The following ATP8A2 variants were observed in gnomAD, a reference collection of about 807,000 sequenced individuals.
The protein encoded by ATP8A2 is phospholipid-transporting ATPase IB.
A neutral mutation model predicts 165.6 loss-of-function variants in ATP8A2; 100 were observed. The ratio of observed to expected loss-of-function variants is 0.60; its 90% CI spans 0.51 to 0.71. ATP8A2 has a LOEUF of 0.71. Ranked by LOEUF, ATP8A2 falls within the 30% of genes least tolerant of loss-of-function variation. ATP8A2 has a pLI of 0.00. For missense variants in ATP8A2, 1,227 were observed against 1,479.5 expected, an observed-to-expected ratio of 0.83 and a Z score of 2.80; for synonymous variants, 543 against 548.8, an observed-to-expected ratio of 0.99 and a Z score of 0.15.
chr13:25,519,009 C>T lies in ATP8A2; in HGVS notation c.222-10990C>T, dbSNP rs550948886. On this transcript the variant is annotated intron_variant, in intron 2 of 36. Transcript: ENST00000381655. ...GTCAACATGAGTGACAAGGCCAATGCGTTGGCCCTTTGCCACGTTCATTTC... is the reference window on the plus strand; with the variant it reads ...GTCAACATGAGTGACAAGGCCAATGTGTTGGCCCTTTGCCACGTTCATTTC... 5.3e-5 allele frequency among the ~76,000 whole-genome samples: 8 copies of T among 152,302 alleles called. No homozygotes were observed. In the South Asian group the frequency reaches 8.3e-4, roughly 16 times the overall value.
At chr13:25,788,358 A>C (rs556701776) in intron 27 of ATP8A2, among the ~76,000 whole-genome samples, 5 of 152,358 alleles carry the variant, frequency 3.3e-5, no homozygotes, top group African/African-American at 9.6e-5. Flanking sequence ...AAGCTCTTCT[A>C]GTCTGTTGTT....
intron 25 of ATP8A2, among the ~76,000 whole-genome samples, chr13:25,751,645 AG>A (rs1453335427): frequency 1.3e-5 from 2 of 152,114 alleles, no homozygotes; most frequent in African/African-American, 2.4e-5. Flanking sequence ...TATGTTGCCC[AG>A]GCTGGTCTTG....
At chr13:25,926,398 C>T (rs1216473422) in intron 33 of ATP8A2, among the ~76,000 whole-genome samples, 1 of 152,204 alleles carries the variant, frequency 6.6e-6, no homozygotes, top group Non-Finnish European at 1.5e-5. Flanking sequence ...TCCTCCCCTA[C>T]CTACCATCAA....
At chr13:25,840,457 C>T (rs947552397) in intron 30 of ATP8A2, among the ~76,000 whole-genome samples, 5 of 152,158 alleles carry the variant, frequency 3.3e-5, no homozygotes, top group African/African-American at 1.2e-4. Context: ...TATTCTTTAA[C>T]CTATTAAATA....
At position 25,372,328 on chromosome 13, in the gene ATP8A2, G is replaced by C. The variant is rs768867622; in HGVS notation, c.76+40G>C. 18 of 1,390,712 alleles carry C rather than the reference G, an allele frequency of 1.3e-5. No individual in the cohort carries two copies. The South Asian group carries it at 2.0e-4, about 15-fold the overall frequency. The allele number at this position is 1,390,712 out of a possible 1,614,324, so 86.1% of individuals were successfully genotyped here. A position where few individuals can be genotyped will look rare whatever the true frequency, so the allele number is the denominator to read the frequency against. ...GCGCGGCGAGGGAGGGTGGGCCCGGGGCGGGGGCGGCGCGGGGCGCGCCTG... is the reference window on the plus strand; with the variant it reads ...GCGCGGCGAGGGAGGGTGGGCCCGGCGCGGGGGCGGCGCGGGGCGCGCCTG... On this transcript the variant is annotated intron_variant, in intron 1 of 36. Coordinates refer to ENST00000381655, the MANE Select transcript of ATP8A2 (RefSeq NM_016529.6). This position sits in a 1 kb window ranked among gnomAD's most constrained non-coding sequence, Gnocchi z 4.8.
intron 26 of ATP8A2, among the ~76,000 whole-genome samples, chr13:25,770,276 C>T (rs1214160022): frequency 6.6e-6 from 1 of 152,144 alleles, no homozygotes; most frequent in Non-Finnish European, 1.5e-5. Context: ...TTCTGACCTT[C>T]TTAAACTGCT....
chr13:25,409,257 T>G (rs1348296065), intron 1 of ATP8A2, among the ~76,000 whole-genome samples: 1 of 152,188 alleles, frequency 6.6e-6, no homozygotes, highest in African/African-American at 2.4e-5. Context: ...GAAAATGAAT[T>G]TTCTGGGCCT....
intron 27 of ATP8A2, among the ~76,000 whole-genome samples, chr13:25,813,674 G>A (rs1950937599): frequency 6.6e-6 from 1 of 151,698 alleles, no homozygotes; most frequent in South Asian, 2.1e-4. Context: ...TTCTAGCCAT[G>A]TGTCCCCAGT....
intron 33 of ATP8A2, among the ~76,000 whole-genome samples, chr13:25,900,634 T>C (rs963490908): frequency 3.3e-5 from 5 of 152,200 alleles, no homozygotes; most frequent in African/African-American, 1.2e-4. Context: ...TGTTCAACCT[T>C]ATGTCTGATG....
chr13:25,589,005 A>G (rs1024942509), intron 23 of ATP8A2, among the ~76,000 whole-genome samples: 4 of 152,190 alleles, frequency 2.6e-5, no homozygotes, highest in African/African-American at 9.6e-5. Context: ...GCTGGGAGGG[A>G]AAGAGAAAAT....
intron 1 of ATP8A2, among the ~76,000 whole-genome samples, chr13:25,431,502 C>CA (rs142797644): frequency 2.6e-5 from 4 of 151,450 alleles, no homozygotes; most frequent in East Asian, 1.9e-4. Flanking sequence ...ACTTCGGCGG[C>CA]GGGGGGGGAA....
chr13:25,745,554 A>G (rs755824234), intron 25 of ATP8A2, among the ~76,000 whole-genome samples: 1 of 152,200 alleles, frequency 6.6e-6, no homozygotes, highest in Non-Finnish European at 1.5e-5. Context: ...TGCTTGGTCT[A>G]CATCTATCTA....
chr13:26,013,785 A>G (rs1956902620), intron 36 of ATP8A2, among the ~76,000 whole-genome samples: 1 of 152,214 alleles, frequency 6.6e-6, no homozygotes, highest in South Asian at 2.1e-4. Flanking sequence ...TCTGCCTGTC[A>G]ACAGGTATTT....
At chr13:25,952,045 G>A (rs906600694) in intron 33 of ATP8A2, among the ~76,000 whole-genome samples, 2 of 152,098 alleles carry the variant, frequency 1.3e-5, no homozygotes, top group African/African-American at 4.8e-5. Flanking sequence ...CGGGTGTGTG[G>A]GTGGTTTTTA....
intron 1 of ATP8A2, among the ~76,000 whole-genome samples, chr13:25,401,107 A>G (rs541994718): frequency 6.6e-6 from 1 of 152,312 alleles, no homozygotes; most frequent in African/African-American, 2.4e-5. Flanking sequence ...CCAGATGTGC[A>G]GTGAGTGTGC....
rs577080707 is a variant in ATP8A2, at chr13:25,953,566, C to G, written c.3184-8009C>G. Among the ~76,000 whole-genome samples the G allele has an allele frequency of 1.4e-5, 2 of 145,320 alleles. No homozygotes were observed. Among genetic ancestry groups the G allele is most frequent in the African/African-American group, 2.6e-5 (1 of 38,714 alleles). ...AAAAAAGCAAGGGAAATAGGCAAGA[C>G]GGCCAAATAGGAACAGCTCCAGTCT... On this transcript the variant is annotated intron_variant, in intron 33 of 36. Transcript: ENST00000381655. The surrounding 1 kb of genome is among the most constrained non-coding windows in gnomAD (Gnocchi z 6.7).
intron 33 of ATP8A2, among the ~76,000 whole-genome samples, chr13:25,916,635 A>C (rs1253173462): frequency 1.3e-5 from 2 of 152,218 alleles, no homozygotes; most frequent in African/African-American, 2.4e-5. Flanking sequence ...GAAATCTTAG[A>C]AAACACCCCA....
At chr13:25,415,440 C>T (rs769249566) in intron 1 of ATP8A2, among the ~76,000 whole-genome samples, 4 of 152,244 alleles carry the variant, frequency 2.6e-5, no homozygotes, top group Non-Finnish European at 4.4e-5. Flanking sequence ...CTCTACCCTG[C>T]TCCCTTCCTC....
intron 24 of ATP8A2, among the ~76,000 whole-genome samples, chr13:25,693,847 A>ACTTTT (rs1452173982): frequency 1.3e-5 from 2 of 150,558 alleles, no homozygotes; most frequent in Non-Finnish European, 3.0e-5. Context: ...GTGCCACCAC[A>ACTTTT]CTTTTCTAAT....
Sources: allele counts gnomAD v4.1 joint callset (sites outside exome capture counted in the v4.1 genomes callset), GRCh38; gene constraint gnomAD v4.1.1; non-coding constraint Gnocchi (gnomAD v3.1); transcripts MANE v1.5; gene names NCBI Gene and HGNC (gene_info 2026-07-23, HGNC 2026-07-21).